KCNIP4: variants seen among roughly 807,000 people sequenced by gnomAD.
KCNIP4 encodes the protein potassium voltage-gated channel interacting protein 4.
Under a neutral mutation model 34.0 loss-of-function variants are expected in KCNIP4, and 12 were observed. The ratio of observed to expected loss-of-function variants is 0.35; its 90% CI spans 0.23 to 0.57. The LOEUF is 0.57. KCNIP4 is among the 20% of genes least tolerant of loss of function. KCNIP4 has a pLI of 0.83. For missense variants in KCNIP4, 238 were observed against 311.7 expected (o/e 0.76, Z 1.78); for synonymous variants, 124 against 102.2 (o/e 1.21, Z -1.29).
At chr4:21,102,586 G>A (rs1748046678) in intron 1 of KCNIP4, among the ~76,000 whole-genome samples, 1 of 152,130 alleles carries the variant, frequency 6.6e-6, no homozygotes, top group African/African-American at 2.4e-5. Flanking sequence ...GGAAGTCTGT[G>A]ACATATAAAT....
At chr4:21,031,419 G>C (rs937809606) in intron 1 of KCNIP4, among the ~76,000 whole-genome samples, 1 of 152,150 alleles carries the variant, frequency 6.6e-6, no homozygotes, top group African/African-American at 2.4e-5. Context: ...GCAAAACCTA[G>C]TCAATTTCCA....
At chr4:21,382,654 C>T (rs1163467341) in intron 1 of KCNIP4, among the ~76,000 whole-genome samples, 1 of 152,190 alleles carries the variant, frequency 6.6e-6, no homozygotes, top group African/African-American at 2.4e-5. Flanking sequence ...CTGCAGTAGC[C>T]TTTAAATCTG....
intron 1 of KCNIP4, among the ~76,000 whole-genome samples, chr4:21,093,024 A>G (rs1190837523): frequency 6.6e-6 from 1 of 152,254 alleles, no homozygotes; most frequent in Non-Finnish European, 1.5e-5. Flanking sequence ...AGACAGTGCT[A>G]TACATAAAGA....
chr4:21,068,263 G>C (rs2108989994), intron 1 of KCNIP4, among the ~76,000 whole-genome samples: 1 of 152,202 alleles, frequency 6.6e-6, no homozygotes, highest in African/African-American at 2.4e-5. Flanking sequence ...ATCTCAACAG[G>C]CTCTGACGTG....
chr4:21,671,528 T>C (rs1749500589), intron 1 of KCNIP4, among the ~76,000 whole-genome samples: 1 of 152,186 alleles, frequency 6.6e-6, no homozygotes, highest in African/African-American at 2.4e-5. Context: ...ACAGGCATCT[T>C]TCTTACATTA....
At chr4:21,467,104 A>ATG (rs1560434303) in intron 1 of KCNIP4, among the ~76,000 whole-genome samples, 38 of 149,098 alleles carry the variant, frequency 2.5e-4, no homozygotes, top group African/African-American at 9.1e-4. Flanking sequence ...ACACACACAC[A>ATG]CACACACACA....
chr4:20,996,842 T>C (rs1235541725), intron 1 of KCNIP4, among the ~76,000 whole-genome samples: 1 of 152,076 alleles, frequency 6.6e-6, no homozygotes, highest in Non-Finnish European at 1.5e-5. Context: ...ATGTGGGCCC[T>C]TTACCGACCT....
At chr4:20,779,799 A>G (rs1345543298) in intron 3 of KCNIP4, among the ~76,000 whole-genome samples, 1 of 152,042 alleles carries the variant, frequency 6.6e-6, no homozygotes, top group Non-Finnish European at 1.5e-5. Context: ...TGACCTTGAA[A>G]ATTACAGTGG....
chr4:21,454,992 G>A (rs368071825), intron 1 of KCNIP4, among the ~76,000 whole-genome samples: 2 of 152,166 alleles, frequency 1.3e-5, no homozygotes, highest in East Asian at 3.9e-4. Flanking sequence ...AGCACTGAGA[G>A]TACCAAGTTC....
chr4:21,028,958 T>C, intron 1 of KCNIP4, among the ~76,000 whole-genome samples: 1 of 152,228 alleles, frequency 6.6e-6, no homozygotes, highest in Non-Finnish European at 1.5e-5. Context: ...TAACCAGGCC[T>C]GTGCTCTTGT....
At chr4:21,015,201 T>C (rs924295440) in intron 1 of KCNIP4, among the ~76,000 whole-genome samples, 2 of 151,380 alleles carry the variant, frequency 1.3e-5, no homozygotes, top group African/African-American at 2.4e-5. Context: ...TGGGGATGGA[T>C]AGAAGTGACT....
chr4:21,552,038 TAA>T (rs67181064), intron 1 of KCNIP4, among the ~76,000 whole-genome samples: 838 of 53,608 alleles, frequency 0.016, 14 homozygotes, highest in African/African-American at 0.038. Context: ...GAGCTTTTTT[TAA>T]AAAAAAAAAA....
intron 2 of KCNIP4, among the ~76,000 whole-genome samples, chr4:20,869,945 A>G (rs1723264786): frequency 6.6e-6 from 1 of 152,104 alleles, no homozygotes; most frequent in African/African-American, 2.4e-5. Flanking sequence ...CTACTATAAA[A>G]TGTTGTCAGG....
At chr4:21,320,857 G>A (rs1401145844) in intron 1 of KCNIP4, among the ~76,000 whole-genome samples, 1 of 151,206 alleles carries the variant, frequency 6.6e-6, no homozygotes, top group African/African-American at 2.4e-5. Context: ...TGTAATCCCA[G>A]CTACTCTGAA....
chr4:21,026,914 T>G (rs1740603673), intron 1 of KCNIP4, among the ~76,000 whole-genome samples: 1 of 152,112 alleles, frequency 6.6e-6, no homozygotes, highest in South Asian at 2.1e-4. Context: ...GCAGGAGACC[T>G]AGGCAAGAGT....
intron 1 of KCNIP4, among the ~76,000 whole-genome samples, chr4:20,994,889 G>C (rs967993258): frequency 1.3e-5 from 2 of 152,114 alleles, no homozygotes; most frequent in African/African-American, 4.8e-5. Flanking sequence ...CAAAGACATG[G>C]TAGCAATTAA....
intron 3 of KCNIP4, among the ~76,000 whole-genome samples, chr4:20,841,599 A>G (rs539430546): frequency 6.6e-6 from 1 of 151,824 alleles, no homozygotes; most frequent in South Asian, 2.1e-4. Context: ...CAAGCCCATC[A>G]TTTCTCTCCT....
intron 1 of KCNIP4, chr4:21,304,065 G>GAGAGAGAGAGAGAGAGAGAC (rs1712101063): frequency 2.6e-6 from 1 of 378,412 alleles, no homozygotes; most frequent in Non-Finnish European, 3.3e-6. Flanking sequence ...GAGAGAGAGA[G>GAGAGAGAGAGAGAGAGAGAC]AGACAGAGAG....
intron 1 of KCNIP4, among the ~76,000 whole-genome samples, chr4:21,942,780 CAG>C (rs1389117405): frequency 6.6e-6 from 1 of 152,142 alleles, no homozygotes; most frequent in East Asian, 1.9e-4. Flanking sequence ...GTTTTTGAGA[CAG>C]AGTCTCACTC....
Sources: gnomAD v4.1 joint callset for allele counts (sites outside exome capture counted in the v4.1 genomes callset) on GRCh38, gnomAD v4.1.1 for gene constraint, MANE v1.5 for transcripts, NCBI Gene and HGNC (gene_info 2026-07-23, HGNC 2026-07-21) for gene names.